CEP104: variants seen among roughly 807,000 people sequenced by gnomAD.
The protein encoded by CEP104 is centrosomal protein 104.
A neutral mutation model predicts 113.3 loss-of-function variants in CEP104; 84 were observed. The ratio of observed to expected loss-of-function variants is 0.74; its 90% CI spans 0.62 to 0.89. The LOEUF (loss-of-function observed/expected upper bound fraction) is 0.89. Among genes scored for constraint, CEP104 ranks in the 40% least tolerant of loss-of-function variants. The probability of loss-of-function intolerance (pLI) is 0.00; values close to 1 mark genes in which losing one functional copy is unlikely to be tolerated. For synonymous variants in CEP104, 378 were observed against 421.7 expected (o/e 0.90, Z 1.27); for missense variants, 1,053 against 1,156.6 (o/e 0.91, Z 1.30).
Position 3,826,832 on chromosome 1 carries a change from G to T in CEP104, c.2152-88C>A, listed in dbSNP as rs1455559904. ...TTGAAGATATGTTTTCATCACGAAA[G>T]CACATTTCTGGGTTTTGTTTTAGAA... On this transcript the variant is annotated intron_variant, in intron 15 of 21. Transcript: ENST00000378230. 3 of 1,352,034 alleles carry T rather than the reference G, an allele frequency of 2.2e-6. No individual in the cohort carries two copies. The African/African-American group carries it at 4.4e-5, about 20-fold the overall frequency. 83.8% of individuals were successfully genotyped at this position (1,352,034 alleles called of 1,614,324 possible).
At position 3,834,573 on chromosome 1, in the gene CEP104, A is replaced by G. The variant is rs187269442; in HGVS notation, c.1485+352T>C. ...CCATTCAGCATTAGAAAAAACAGTA[A>G]TTCTCAACCTCATCAGGTTTCATGC... On this transcript the variant is annotated intron_variant, in intron 11 of 21. Transcript: ENST00000378230. Among the ~76,000 whole-genome samples, 13 of 152,348 alleles carry G rather than the reference A, an allele frequency of 8.5e-5. No homozygotes were observed. In the East Asian group the frequency reaches 2.5e-3, roughly 29 times the overall value.
At chr1:3,834,879 A>T in intron 11 of CEP104, 46 bp downstream of exon 11, 1 of 1,525,466 alleles carries the variant, frequency 6.6e-7, no homozygotes, top group South Asian at 1.2e-5. Context: ...ACGGCGCATG[A>T]TCTCATCCAT....
At chr1:3,833,137 C>G (rs578110181) in intron 12 of CEP104, among the ~76,000 whole-genome samples, 1 of 152,000 alleles carries the variant, frequency 6.6e-6, no homozygotes, top group Non-Finnish European at 1.5e-5. Flanking sequence ...CGCACCACCA[C>G]ACCCGGCTAA....
Position 3,815,429 on chromosome 1 carries a change from G to C in CEP104, c.2751C>G (p.Ser917Arg). Residue 917 changes from serine (S) to arginine (R), a missense_variant, in exon 22 of 22, where the codon AGC becomes AGG. Physicochemically the swap from Ser to Arg is moderately radical, Grantham distance 110. Transcript: ENST00000378230. Reference sequence around the variant, plus strand: ...AGCGCTTGGCGTACGTCCTGCTGGAGCTCTTGCTCAGTCCGCCCTTCGGGG... The same window carrying C: ...AGCGCTTGGCGTACGTCCTGCTGGACCTCTTGCTCAGTCCGCCCTTCGGGG... ...IPTPKGGLSKSSSRTYAKR is the reference protein window; with the variant it reads ...IPTPKGGLSKRSSRTYAKR 2 of 1,613,050 alleles carry C rather than the reference G, an allele frequency of 1.2e-6. No homozygotes were observed. The highest frequency in any genetic ancestry group is 1.7e-6 in the Non-Finnish European group (2 of 1,179,838).
intron 6 of CEP104, among the ~76,000 whole-genome samples, chr1:3,840,536 C>A (rs562618192): frequency 6.6e-6 from 1 of 151,942 alleles, no homozygotes; most frequent in African/African-American, 2.4e-5. Flanking sequence ...CTGCGCCCAG[C>A]CTGTATTTTT....
chr1:3,844,760 G>C (rs1644476601), intron 6 of CEP104, 147 bp downstream of exon 6: 2 of 478,870 alleles, frequency 4.2e-6, no homozygotes, highest in African/African-American at 4.1e-5. Flanking sequence ...TAATCTTTAT[G>C]TAAATTTCAG....
At chr1:3,825,344 G>A (rs1387698592) in intron 18 of CEP104, among the ~76,000 whole-genome samples, 1 of 152,216 alleles carries the variant, frequency 6.6e-6, no homozygotes, top group Middle Eastern at 3.2e-3. Context: ...TGTTTATCAT[G>A]GTCCCAAACT....
chr1:3,832,027 C>T (rs956751230), intron 12 of CEP104, among the ~76,000 whole-genome samples: 6 of 152,218 alleles, frequency 3.9e-5, no homozygotes, highest in African/African-American at 1.2e-4. Context: ...CACTGGTGCA[C>T]AATTGTAACC....
chr1:3,822,972 A>G lies in CEP104; in HGVS notation c.2571+202T>C, dbSNP rs898789516. 11 of 607,742 alleles carry G rather than the reference A, an allele frequency of 1.8e-5. No individual in the cohort carries two copies. The Admixed American group carries it at 2.4e-4, about 13-fold the overall frequency. 37.6% of individuals were successfully genotyped at this position (607,742 alleles called of 1,614,324 possible). On this transcript the variant is annotated intron_variant, in intron 20 of 21. Coordinates refer to ENST00000378230, the MANE Select transcript of CEP104 (RefSeq NM_014704.4). ...AGGCTCCTCGATAAACCATTCATAA[A>G]TGTACGGAAGGAAATCATGTGAACA...
At chr1:3,842,181 G>A (rs1327012829) in intron 6 of CEP104, among the ~76,000 whole-genome samples, 3 of 152,200 alleles carry the variant, frequency 2.0e-5, no homozygotes, top group African/African-American at 4.8e-5. Context: ...TCCGCCTCAC[G>A]CCATTCTCCC....
intron 2 of CEP104, among the ~76,000 whole-genome samples, chr1:3,849,266 CTTTTTT>C (rs59794257): frequency 7.9e-6 from 1 of 127,366 alleles, no homozygotes; most frequent in Non-Finnish European, 1.7e-5. Flanking sequence ...AGTGACATAA[CTTTTTT>C]TTTTTTTTTT....
Position 3,847,558 on chromosome 1 carries a change from A to G in CEP104, c.343T>C (p.Ser115Pro), listed in dbSNP as rs1380486804. 6.2e-7 allele frequency: 1 copy of G among 1,613,854 alleles called. No homozygotes were observed. The highest frequency in any genetic ancestry group is 1.1e-5 in the South Asian group (1 of 90,952). ...TGTCCTACTGCATCCACATAAACTG[A>G]TTTTAGTTCCCGGGCTTTGCAACCT... ...KTGCKARELK[S>P]VYVDAVGQFL... Residue 115 changes from serine (S) to proline (P), a missense_variant, in exon 4 of 22, where the codon TCA becomes CCA. Ser to Pro is a moderately conservative substitution (Grantham distance 74, BLOSUM62 -1). Transcript: ENST00000378230.
intron 10 of CEP104, among the ~76,000 whole-genome samples, chr1:3,836,045 T>C (rs997265009): frequency 1.3e-5 from 2 of 151,042 alleles, no homozygotes; most frequent in Non-Finnish European, 2.9e-5. Flanking sequence ...CTCATGCCTG[T>C]AATCCCAGCA....
intron 6 of CEP104, 46 bp downstream of exon 6, chr1:3,844,861 C>T (rs1410627807): frequency 1.3e-6 from 2 of 1,511,226 alleles, no homozygotes; most frequent in South Asian, 1.1e-5. Context: ...TTTCAGGATT[C>T]TGAGGAAAGT....
At chr1:3,822,456 G>T (rs1570771941) in intron 20 of CEP104, among the ~76,000 whole-genome samples, 2 of 152,366 alleles carry the variant, frequency 1.3e-5, no homozygotes, top group South Asian at 4.1e-4. Context: ...CACTGCAGGT[G>T]GCAGGAGCTA....
chr1:3,836,364 G>T, intron 10 of CEP104, 131 bp downstream of exon 10: 3 of 923,030 alleles, frequency 3.3e-6, no homozygotes, highest in Non-Finnish European at 3.1e-6. Context: ...ACAAAGGGAA[G>T]TCAACAATAT....
At chr1:3,821,771 G>T (rs1429797891) in intron 20 of CEP104, among the ~76,000 whole-genome samples, 1 of 152,262 alleles carries the variant, frequency 6.6e-6, no homozygotes, top group East Asian at 1.9e-4. Flanking sequence ...CCAAGGGAAC[G>T]TAGTCAGCAG....
rs1455232971 is a variant in CEP104 at position 3,856,954 on chromosome 1, A to T, written c.-80T>A. ...CCGGTGGAGAGGGCGGCTGGGTCGG[A>T]GCGGTGCCGCGGCCCGGGGAGGCGG... On this transcript the variant is annotated 5_prime_UTR_variant, in exon 1 of 22. Coordinates refer to ENST00000378230, the MANE Select transcript of CEP104 (RefSeq NM_014704.4). 6.6e-6 allele frequency: 1 copy of T among 151,750 alleles called. No homozygotes were observed. Among genetic ancestry groups the T allele is most frequent in the Non-Finnish European group, 1.5e-5 (1 of 67,948 alleles). The allele number at this position is 151,750 out of a possible 1,614,324, so 9.4% of individuals were successfully genotyped here. A position where few individuals can be genotyped will look rare whatever the true frequency, so the allele number is the denominator to read the frequency against.
At chr1:3,855,922 C>G (rs1570872333) in intron 1 of CEP104, 2 of 985,388 alleles carry the variant, frequency 2.0e-6, no homozygotes, top group Non-Finnish European at 2.4e-6. Context: ...ATCGACATCC[C>G]GACAAATGCC....
Sources: allele counts gnomAD v4.1 joint callset (sites outside exome capture counted in the v4.1 genomes callset), GRCh38; gene constraint gnomAD v4.1.1; transcripts MANE v1.5; gene names NCBI Gene and HGNC (gene_info 2026-07-23, HGNC 2026-07-21).